BMERB1: variants seen among roughly 807,000 people sequenced by gnomAD.
BMERB1 encodes the protein bMERB domain-containing protein 1.
In BMERB1, 12 loss-of-function variants were observed where a neutral mutation model predicts 23.6. The observed-to-expected ratio is 0.51, with a 90% CI of 0.33 to 0.82. The LOEUF is 0.82. BMERB1 is among the 40% of genes least tolerant of loss of function. BMERB1 has a pLI of 0.03. For synonymous variants in BMERB1, 122 were observed against 96.6 expected (o/e 1.26, Z -1.54); for missense variants, 247 against 255.4 (o/e 0.97, Z 0.22).
At chr16:15,517,967 G>T (rs1051138498) in intron 2 of BMERB1, among the ~76,000 whole-genome samples, 2 of 150,402 alleles carry the variant, frequency 1.3e-5, no homozygotes, top group Non-Finnish European at 3.0e-5. Flanking sequence ...ATGTGGGTGT[G>T]TATGTGTGCG....
At chr16:15,437,059 C>T (rs2050894809) in intron 1 of BMERB1, among the ~76,000 whole-genome samples, 3 of 152,020 alleles carry the variant, frequency 2.0e-5, no homozygotes, top group Admixed American at 6.6e-5. Context: ...GGATTTGAAC[C>T]CCGGTCTGTT....
chr16:15,491,308 C>T (rs2051417598), intron 1 of BMERB1, among the ~76,000 whole-genome samples: 1 of 152,102 alleles, frequency 6.6e-6, no homozygotes, highest in Non-Finnish European at 1.5e-5. Context: ...ATACTTGCTC[C>T]CTTAGTAGAT....
chr16:15,564,464 A>G (rs1350857646), intron 2 of BMERB1, among the ~76,000 whole-genome samples: 2 of 152,232 alleles, frequency 1.3e-5, no homozygotes, highest in Non-Finnish European at 2.9e-5. Context: ...TCCTGAAGCC[A>G]TACATTTCAA....
intron 2 of BMERB1, among the ~76,000 whole-genome samples, chr16:15,541,768 A>AT (rs755968002): frequency 2.5e-4 from 38 of 150,664 alleles, no homozygotes; most frequent in Non-Finnish European, 4.4e-4. Flanking sequence ...TGCCTGGCTA[A>AT]TTTTTTTGTA....
Position 15,515,331 on chromosome 16 carries a change from G to A in BMERB1, c.133G>A (p.Glu45Lys), listed in dbSNP as rs1253079529. 3 of 1,613,706 alleles carry A rather than the reference G, an allele frequency of 1.9e-6. No homozygotes were observed. The highest frequency in any genetic ancestry group is 2.5e-6 in the Non-Finnish European group (3 of 1,180,004). Residue 45 changes from glutamate to lysine, a missense_variant, in exon 2 of 6, where the codon GAG becomes AAG. By Grantham distance (56) the Glu-to-Lys change is moderately conservative (BLOSUM62 1). Coordinates refer to ENST00000300006, the MANE Select transcript of BMERB1 (RefSeq NM_033201.3). ...RNQLDIISMA[E>K]TTMMPEEIEL... is the part of the protein sequence containing the mutation. Reference sequence around the variant, plus strand: ...TCAGCTGGACATCATCTCCATGGCGGAGACAACCATGATGCCAGAGGAGAT... The same window carrying A: ...TCAGCTGGACATCATCTCCATGGCGAAGACAACCATGATGCCAGAGGAGAT...
chr16:15,581,090 T>C lies in BMERB1; in HGVS notation c.305-127T>C, dbSNP rs2031002771. 18 of 636,698 alleles carry C rather than the reference T, an allele frequency of 2.8e-5. No individual in the cohort carries two copies. The South Asian group carries it at 3.9e-4, about 14-fold the overall frequency. The allele number at this position is 636,698 out of a possible 1,614,324, so 39.4% of individuals were successfully genotyped here. A position where few individuals can be genotyped will look rare whatever the true frequency, so the allele number is the denominator to read the frequency against. The stretch of plus-strand genomic sequence containing the variant: ...CACCACGCCTGGCTAATTTTTGTAT[T>C]TTTGGTAGAGATGGGGTTGTTTCAC... On this transcript the variant is annotated intron_variant, in intron 3 of 5. Coordinates refer to ENST00000300006, the MANE Select transcript of BMERB1 (RefSeq NM_033201.3).
At chr16:15,508,021 T>C (rs368628394) in intron 1 of BMERB1, among the ~76,000 whole-genome samples, 32 of 152,310 alleles carry the variant, frequency 2.1e-4, no homozygotes, top group South Asian at 6.2e-4. Flanking sequence ...GGGAGGTAGT[T>C]CTTACATGAA....
chr16:15,435,037 G>A (rs953968144), intron 1 of BMERB1, among the ~76,000 whole-genome samples: 1 of 152,256 alleles, frequency 6.6e-6, no homozygotes, highest in African/African-American at 2.4e-5. Context: ...TCCCGGATCC[G>A]TCAGCTCGCA....
chr16:15,438,407 G>A (rs2050907075), intron 1 of BMERB1, among the ~76,000 whole-genome samples: 1 of 151,176 alleles, frequency 6.6e-6, no homozygotes, highest in Non-Finnish European at 1.5e-5. Flanking sequence ...TTCTTAAAAC[G>A]TGGATCCAGA....
At chr16:15,455,459 T>G (rs2051078495) in intron 1 of BMERB1, among the ~76,000 whole-genome samples, 1 of 151,862 alleles carries the variant, frequency 6.6e-6, no homozygotes, top group South Asian at 2.1e-4. Context: ...TTTTAAAATT[T>G]TATTTATTTA....
At chr16:15,501,973 G>A (rs1001775325) in intron 1 of BMERB1, among the ~76,000 whole-genome samples, 2 of 152,130 alleles carry the variant, frequency 1.3e-5, no homozygotes, top group Non-Finnish European at 2.9e-5. Context: ...TACATATGTG[G>A]CTAGTGTTCT....
chr16:15,568,908 C>T (rs1485191652), intron 3 of BMERB1, among the ~76,000 whole-genome samples: 2 of 152,046 alleles, frequency 1.3e-5, no homozygotes, highest in Non-Finnish European at 2.9e-5. Flanking sequence ...CTCTGTGGGG[C>T]TTACCCTTAT....
intron 2 of BMERB1, among the ~76,000 whole-genome samples, chr16:15,562,547 A>G (rs1022919812): frequency 6.6e-6 from 1 of 152,234 alleles, no homozygotes; most frequent in Non-Finnish European, 1.5e-5. Context: ...TGTGATTGAC[A>G]TGGTGGCTGG....
intron 1 of BMERB1, among the ~76,000 whole-genome samples, chr16:15,477,002 T>G (rs1374076129): frequency 6.6e-6 from 1 of 152,196 alleles, no homozygotes; most frequent in Non-Finnish European, 1.5e-5. Context: ...AAAATTTCTC[T>G]ATAATCTCAG....
At chr16:15,533,810 A>C (rs2051993511) in intron 2 of BMERB1, among the ~76,000 whole-genome samples, 1 of 152,200 alleles carries the variant, frequency 6.6e-6, no homozygotes, top group Non-Finnish European at 1.5e-5. Context: ...TTCCCATTGC[A>C]GTCCAGATGA....
At chr16:15,511,306 C>G (rs1160719721) in intron 1 of BMERB1, among the ~76,000 whole-genome samples, 1 of 152,144 alleles carries the variant, frequency 6.6e-6, no homozygotes, top group Non-Finnish European at 1.5e-5. Flanking sequence ...TCCTCTCCCT[C>G]CACTGTGTCT....
At chr16:15,574,784 A>C (rs1371827858) in intron 3 of BMERB1, among the ~76,000 whole-genome samples, 2 of 152,186 alleles carry the variant, frequency 1.3e-5, no homozygotes, top group Non-Finnish European at 2.9e-5. Context: ...TTGTTTAAAA[A>C]TCGGGGGTCA....
intron 2 of BMERB1, among the ~76,000 whole-genome samples, chr16:15,556,979 A>G (rs1258768448): frequency 6.6e-6 from 1 of 152,172 alleles, no homozygotes; most frequent in Non-Finnish European, 1.5e-5. Flanking sequence ...TTAAAAGTCA[A>G]TCCTTGCCTC....
At chr16:15,462,874 AG>A (rs1285711695) in intron 1 of BMERB1, among the ~76,000 whole-genome samples, 1 of 152,204 alleles carries the variant, frequency 6.6e-6, no homozygotes, top group Non-Finnish European at 1.5e-5. Flanking sequence ...GGACTTACTC[AG>A]TCCCTCTGTT....
Sources: allele counts gnomAD v4.1 joint callset (sites outside exome capture counted in the v4.1 genomes callset), GRCh38; gene constraint gnomAD v4.1.1; transcripts MANE v1.5; gene names NCBI Gene and HGNC (gene_info 2026-07-23, HGNC 2026-07-21).